The following SCN7A variants were observed in gnomAD, a reference collection of about 807,000 sequenced individuals.
SCN7A encodes the protein sodium channel protein type 7 subunit alpha.
A neutral mutation model predicts 155.2 loss-of-function variants in SCN7A; 138 were observed. The observed-to-expected ratio is 0.89, with a 90% CI of 0.77 to 1.02. The LOEUF (loss-of-function observed/expected upper bound fraction) is 1.02, where lower values mean the gene tolerates loss of function less well. SCN7A is among the 50% of genes least tolerant of loss of function. SCN7A has a pLI of 0.00. For missense variants in SCN7A, 2,058 were observed against 1,986.6 expected (o/e 1.04, Z -0.68); for synonymous variants, 693 against 649.0 (o/e 1.07, Z -1.03).
intron 11 of SCN7A, among the ~76,000 whole-genome samples, chr2:166,453,222 C>T (rs990082909): frequency 1.3e-5 from 2 of 152,186 alleles, no homozygotes; most frequent in South Asian, 2.1e-4. Flanking sequence ...AGGGTTGTCA[C>T]AGTAGAAAGG....
chr2:166,470,647 A>G lies in SCN7A; in HGVS notation c.632T>C (p.Leu211Ser). Residue 211 changes from leucine to serine, a missense_variant, in exon 7 of 26, where the codon TTG (leucine) becomes TCG (serine). Transcript: ENST00000643258. ...TAAAGGAATAATTTTTAAAATTCTC[A>G]AAGTTCTTGCAGTTTGAAGCGTTGG... ...FIPTLQTART[L>S]RILKIIPLNQ... is the part of the protein sequence containing the mutation. 1 of 1,608,658 alleles carries G rather than the reference A, an allele frequency of 6.2e-7. No homozygotes were observed. Among genetic ancestry groups the G allele is most frequent in the South Asian group, 1.1e-5 (1 of 90,624 alleles).
chr2:166,410,371 T>A (rs539166765), intron 23 of SCN7A, 47 bp from the exon 24 acceptor site: 10 of 1,342,892 alleles, frequency 7.4e-6, no homozygotes, highest in African/African-American at 3.0e-5. Flanking sequence ...TTAATCCAAA[T>A]TTTCCCTTAT....
chr2:166,441,687 G>A lies in SCN7A; in HGVS notation c.1866C>T (p.Asn622=), dbSNP rs1454054666. 6.2e-7 allele frequency: 1 copy of A among 1,613,698 alleles called. No homozygotes were observed. Among genetic ancestry groups the A allele is most frequent in the Non-Finnish European group, 8.5e-7 (1 of 1,179,770 alleles). ...TFQILMWSLS[N]SWVALKDLVL... ...CCAAGTCTTTCAGGGCCACCCATGA[G>A]TTACTAAGAGACCACATCAAAATCT... Residue 622 remains asparagine, a synonymous_variant, in exon 15 of 26, where the codon AAC becomes AAT. Transcript: ENST00000643258.
intron 25 of SCN7A, 96 bp downstream of exon 25, chr2:166,409,569 A>G: frequency 1.0e-6 from 1 of 982,320 alleles, no homozygotes; most frequent in Non-Finnish European, 1.4e-6. Flanking sequence ...ATATTTCATG[A>G]TTTTGAAATG....
rs1223927731 is a variant in SCN7A at position 166,444,957 on chromosome 2, C to T, written c.1431G>A (p.Lys477=). 6.2e-7 allele frequency: 1 copy of T among 1,613,076 alleles called. No individual in the cohort carries two copies. Among genetic ancestry groups the T allele is most frequent in the Admixed American group, 1.7e-5 (1 of 59,964 alleles). ...SKKICPLYWY[K]FAKTFLIWNC... is the part of the protein sequence containing the mutation. ...TCCAGATCAAGAAAGTTTTAGCAAACTTATACCAGTATAATGGGCATATCT... is the reference window on the plus strand; with the variant it reads ...TCCAGATCAAGAAAGTTTTAGCAAATTTATACCAGTATAATGGGCATATCT... The change falls in exon 13 of 26, where the codon AAG becomes AAA. Residue 477 remains lysine, a synonymous_variant. Transcript: ENST00000643258.
chr2:166,432,552 A>T lies in SCN7A; in HGVS notation c.2358T>A (p.Val786=). 1 of 1,613,520 alleles carries T rather than the reference A, an allele frequency of 6.2e-7. No homozygotes were observed. Among genetic ancestry groups the T allele is most frequent in the Non-Finnish European group, 8.5e-7 (1 of 1,179,610 alleles). ...GGGTATGGTCAGAAATATCTTCTTT[A>T]ACATATACCTCATTTACATGGTCCA... The part of the protein sequence containing the change: ...DTMDHVNEVY[V]KEDISDHTLS... The change falls in exon 16 of 26, where the codon GTT becomes GTA. Residue 786 remains valine, a synonymous_variant. Transcript: ENST00000643258.
At chr2:166,439,891 G>A (rs990778741) in intron 15 of SCN7A, among the ~76,000 whole-genome samples, 3 of 152,142 alleles carry the variant, frequency 2.0e-5, no homozygotes, top group Admixed American at 1.3e-4. Context: ...TGAAACACAA[G>A]CAATGTGGAC....
intron 20 of SCN7A, 89 bp downstream of exon 20, chr2:166,421,101 A>G (rs1015228717): frequency 8.6e-6 from 7 of 813,576 alleles, no homozygotes; most frequent in African/African-American, 3.6e-5. Flanking sequence ...TAAAGGTACA[A>G]ACGAGAAGAA....
intron 15 of SCN7A, among the ~76,000 whole-genome samples, chr2:166,436,182 C>A (rs747600145): frequency 1.3e-5 from 2 of 152,116 alleles, no homozygotes; most frequent in Non-Finnish European, 2.9e-5. Flanking sequence ...GTCTTTGCTC[C>A]CATCCAAATC....
intron 11 of SCN7A, among the ~76,000 whole-genome samples, chr2:166,456,198 G>T (rs979427248): frequency 1.3e-5 from 2 of 152,008 alleles, no homozygotes; most frequent in Admixed American, 6.6e-5. Context: ...CACACATCAG[G>T]ACCTGTCGGG....
At chr2:166,480,670 C>A (rs1048415993) in intron 2 of SCN7A, among the ~76,000 whole-genome samples, 1 of 152,156 alleles carries the variant, frequency 6.6e-6, no homozygotes, top group Non-Finnish European at 1.5e-5. Flanking sequence ...TTGTTTCCTG[C>A]CTTAGCAATC....
At chr2:166,455,341 CTG>C (rs1343796423) in intron 11 of SCN7A, among the ~76,000 whole-genome samples, 1 of 151,750 alleles carries the variant, frequency 6.6e-6, no homozygotes, top group African/African-American at 2.4e-5. Context: ...ACCTCTAGCA[CTG>C]TGATTTTAAG....
chr2:166,405,878 C>T lies in SCN7A; in HGVS notation c.4751G>A (p.Arg1584Lys). 6.2e-7 allele frequency: 1 copy of T among 1,613,154 alleles called. No homozygotes were observed. Among genetic ancestry groups the T allele is most frequent in the Non-Finnish European group, 8.5e-7 (1 of 1,179,404 alleles). ...CLDILLAFTK[R>K]VMGQDVRMEK... is the part of the protein sequence containing the mutation. ...CATCCTCACATCTTGACCCATAACT[C>T]TCTTTGTAAAAGCAAGTAAGATATC... The change falls in exon 26 of 26, where the codon AGA becomes AAA. Residue 1584 changes from arginine to lysine, a missense_variant. Arg to Lys is a conservative substitution (Grantham distance 26, BLOSUM62 2). Coordinates refer to ENST00000643258, the MANE Select transcript of SCN7A (RefSeq NM_002976.4).
At chr2:166,462,291 C>T (rs1281211661) in intron 10 of SCN7A, 98 bp downstream of exon 10, 1 of 1,281,388 alleles carries the variant, frequency 7.8e-7, no homozygotes, top group Non-Finnish European at 1.0e-6. Flanking sequence ...TTCTTCTGCA[C>T]ATAAAAATTT....
chr2:166,488,975 C>T (rs936087460), intron 1 of SCN7A, among the ~76,000 whole-genome samples: 1 of 152,016 alleles, frequency 6.6e-6, no homozygotes, highest in Non-Finnish European at 1.5e-5. Flanking sequence ...ACTCTTTGGC[C>T]CAGCAATTAA....
At chr2:166,443,432 C>G (rs571090940) in intron 14 of SCN7A, 71 bp downstream of exon 14, 1 of 1,307,770 alleles carries the variant, frequency 7.6e-7, no homozygotes, top group East Asian at 2.5e-5. Context: ...ATTACTGTAA[C>G]CCCATTTTAT....
At chr2:166,472,212 G>A (rs1702674356) in intron 6 of SCN7A, 105 bp downstream of exon 6, 1 of 1,083,900 alleles carries the variant, frequency 9.2e-7, no homozygotes, top group Non-Finnish European at 1.3e-6. Flanking sequence ...TTCTTCACTT[G>A]CAGACTATCT....
intron 1 of SCN7A, among the ~76,000 whole-genome samples, chr2:166,490,340 A>G (rs923366424): frequency 6.6e-6 from 1 of 152,102 alleles, no homozygotes; most frequent in Non-Finnish European, 1.5e-5. Flanking sequence ...TCACATTTCT[A>G]TGAGATCATG....
chr2:166,418,136 T>C (rs891134693), intron 20 of SCN7A, among the ~76,000 whole-genome samples: 9 of 151,112 alleles, frequency 6.0e-5, no homozygotes, highest in African/African-American at 1.7e-4. Flanking sequence ...TTTTATTTTA[T>C]TTATTTATTT....
Sources: allele counts gnomAD v4.1 joint callset (sites outside exome capture counted in the v4.1 genomes callset), GRCh38; gene constraint gnomAD v4.1.1; transcripts MANE v1.5; gene names NCBI Gene and HGNC (gene_info 2026-07-23, HGNC 2026-07-21).